The following GHITM variants were observed in gnomAD, a reference collection of about 807,000 sequenced individuals.
GHITM encodes the protein growth hormone inducible transmembrane protein, also known as growth hormone-inducible transmembrane protein.
GHITM carries 24 observed loss-of-function variants against 38.7 expected under a neutral mutation model. The ratio of observed to expected loss-of-function variants is 0.62; its 90% CI spans 0.45 to 0.87. GHITM has a LOEUF of 0.87. Ranked by LOEUF, GHITM falls within the 40% of genes least tolerant of loss-of-function variation. GHITM has a pLI of 0.00. For synonymous variants in GHITM, 154 were observed against 147.8 expected (o/e 1.04, Z -0.30); for missense variants, 420 against 429.8 (o/e 0.98, Z 0.20).
rs147214750 is a variant in GHITM at position 84,150,839 on chromosome 10, A to G, written c.912A>G (p.Val304=). The change falls in exon 8 of 9, where the codon GTA becomes GTG. Residue 304 remains valine (V), a synonymous_variant. Transcript: ENST00000372134. ...AGAAAGTAATCAAGCGTGCAGAAGTATCACCAATGTATGGAGTTCAAAAAT... is the reference window on the plus strand; with the variant it reads ...AGAAAGTAATCAAGCGTGCAGAAGTGTCACCAATGTATGGAGTTCAAAAAT... The part of the protein sequence containing the change: ...DTQKVIKRAE[V]SPMYGVQKYD... 1.2e-6 allele frequency: 2 copies of G among 1,611,678 alleles called. No individual in the cohort carries two copies. Among genetic ancestry groups the G allele is most frequent in the South Asian group, 1.1e-5 (1 of 91,038 alleles).
At chr10:84,141,368 C>T (rs1000443131) in intron 1 of GHITM, 94 bp from the exon 2 acceptor site, 2 of 680,036 alleles carry the variant, frequency 2.9e-6, no homozygotes, top group Admixed American at 5.6e-5. Context: ...TAGTTTGTTC[C>T]TTGACTCTGA....
intron 3 of GHITM, among the ~76,000 whole-genome samples, chr10:84,143,150 A>T (rs1841523808): frequency 6.6e-6 from 1 of 152,226 alleles, no homozygotes; most frequent in South Asian, 2.1e-4. Context: ...GAATCCTTTA[A>T]CTCACTGCTC....
intron 3 of GHITM, 113 bp from the exon 4 acceptor site, chr10:84,143,882 C>G (rs1841531687): frequency 3.8e-6 from 3 of 786,218 alleles, no homozygotes; most frequent in Non-Finnish European, 6.7e-6. Flanking sequence ...CCCATATGCA[C>G]TGATTATGGC....
chr10:84,150,353 A>G, intron 7 of GHITM, 110 bp downstream of exon 7: 2 of 869,110 alleles, frequency 2.3e-6, no homozygotes, highest in Non-Finnish European at 3.4e-6. Context: ...TTTTTTAAAG[A>G]TTTATGCTAA....
intron 5 of GHITM, among the ~76,000 whole-genome samples, chr10:84,146,715 A>G (rs1245577328): frequency 1.3e-5 from 2 of 152,222 alleles, no homozygotes; most frequent in Non-Finnish European, 2.9e-5. Flanking sequence ...AGGCCCTAAA[A>G]TGAGGCTTCA....
chr10:84,141,964 C>T (rs1045424475), intron 2 of GHITM, among the ~76,000 whole-genome samples: 2 of 152,118 alleles, frequency 1.3e-5, no homozygotes, highest in Non-Finnish European at 2.9e-5. Flanking sequence ...AGGGATATTA[C>T]CAGTTGGCCA....
intron 1 of GHITM, among the ~76,000 whole-genome samples, chr10:84,140,869 G>A (rs1456598108): frequency 3.3e-5 from 5 of 152,162 alleles, no homozygotes; most frequent in Non-Finnish European, 7.4e-5. Flanking sequence ...ACGCATTATA[G>A]TAGGACATAT....
At chr10:84,141,069 T>G (rs1444399689) in intron 1 of GHITM, among the ~76,000 whole-genome samples, 4 of 152,250 alleles carry the variant, frequency 2.6e-5, no homozygotes, top group Admixed American at 1.3e-4. Flanking sequence ...ATGTAGATTC[T>G]TTTAAATTTT....
rs374633446 is a variant in GHITM at position 84,150,734 on chromosome 10, C to G, written c.807C>G (p.Thr269=). 11 of 1,608,288 alleles carry G rather than the reference C, an allele frequency of 6.8e-6. No homozygotes were observed. In the African/African-American group the frequency reaches 1.3e-4, roughly 20 times the overall value. Residue 269 remains threonine (T), a synonymous_variant, in exon 8 of 9, where the codon ACC becomes ACG. Transcript: ENST00000372134. The stretch of plus-strand genomic sequence containing the variant: ...GATCTATGTTTCTTCCACCTACCAC[C>G]GTGGCTGGTGCCACTCTTTACTCAG... ...SLGSMFLPPT[T]VAGATLYSVA...
At chr10:84,148,394 G>C (rs1841578471) in intron 5 of GHITM, among the ~76,000 whole-genome samples, 1 of 152,154 alleles carries the variant, frequency 6.6e-6, no homozygotes, top group African/African-American at 2.4e-5. Context: ...CCGGGTTCAA[G>C]TGATTTTCCC....
Position 84,153,332 on chromosome 10 carries a change from G to C in GHITM, c.*984G>C, listed in dbSNP as rs1014059318. On this transcript the variant is annotated 3_prime_UTR_variant, in exon 9 of 9. Coordinates refer to ENST00000372134, the MANE Select transcript of GHITM (RefSeq NM_014394.3). ...AGCAGTTTTTCTCCTAAGACTTTTG[G>C]TTTCTCGCATTGCCTCTCAGACTAA... 1.3e-5 allele frequency: 2 copies of C among 152,120 alleles called. No homozygotes were observed. Among genetic ancestry groups the C allele is most frequent in the Non-Finnish European group, 2.9e-5 (2 of 68,010 alleles). 9.4% of individuals were successfully genotyped at this position (152,120 alleles called of 1,614,324 possible).
intron 8 of GHITM, 33 bp downstream of exon 8, chr10:84,150,913 C>T (rs1333549842): frequency 1.4e-6 from 2 of 1,434,246 alleles, no homozygotes; most frequent in Non-Finnish European, 2.0e-6. Context: ...CACTGTTACT[C>T]TGTCACATAA....
chr10:84,150,190 A>G lies in GHITM; in HGVS notation c.728A>G (p.Asn243Ser). 1 of 1,613,574 alleles carries G rather than the reference A, an allele frequency of 6.2e-7. No homozygotes were observed. The highest frequency in any genetic ancestry group is 1.3e-5 in the African/African-American group (1 of 75,022). The change falls in exon 7 of 9, where the codon AAC (asparagine) becomes AGC (serine). Residue 243 changes from asparagine (N) to serine (S), a missense_variant. Asn to Ser is a conservative substitution (Grantham distance 46, BLOSUM62 1). Coordinates refer to ENST00000372134, the MANE Select transcript of GHITM (RefSeq NM_014394.3). ...TGTGCGCCCAGTGAAAAGTTTCTGA[A>G]CATGGGTGCACCCCTGGGAGTGGGC... ...AMCAPSEKFL[N>S]MGAPLGVGLG...
intron 2 of GHITM, 122 bp from the exon 3 acceptor site, chr10:84,142,533 T>G (rs570525959): frequency 4.0e-6 from 2 of 500,276 alleles, no homozygotes; most frequent in Non-Finnish European, 7.2e-6. Flanking sequence ...TGAAGTTAGG[T>G]ATATAGAAAG....
intron 8 of GHITM, among the ~76,000 whole-genome samples, chr10:84,151,396 C>G (rs1841610876): frequency 6.6e-6 from 1 of 152,122 alleles, no homozygotes; most frequent in South Asian, 2.1e-4. Context: ...TAGTGTAATA[C>G]TTAGGTATTC....
At chr10:84,143,192 A>G (rs763087290) in intron 3 of GHITM, among the ~76,000 whole-genome samples, 2 of 152,216 alleles carry the variant, frequency 1.3e-5, no homozygotes, top group Non-Finnish European at 2.9e-5. Flanking sequence ...GTACTTTAAT[A>G]TATTGCCAGT....
chr10:84,150,747 A>C lies in GHITM; in HGVS notation c.820A>C (p.Thr274Pro). ...TCCACCTACCACCGTGGCTGGTGCC[A>C]CTCTTTACTCAGTGGCAATGTACGG... The part of the protein sequence containing the change: ...FLPPTTVAGA[T>P]LYSVAMYGGL... Residue 274 changes from threonine (T) to proline (P), a missense_variant, in exon 8 of 9, where the codon ACT becomes CCT. Transcript: ENST00000372134. 1 of 1,612,408 alleles carries C rather than the reference A, an allele frequency of 6.2e-7. No homozygotes were observed. Among genetic ancestry groups the C allele is most frequent in the Non-Finnish European group, 8.5e-7 (1 of 1,178,802 alleles).
rs1841630773 is a variant in GHITM, at chr10:84,153,555, G to A, written c.*1207G>A. Among the ~76,000 whole-genome samples, 1 of 152,180 alleles carries A rather than the reference G, an allele frequency of 6.6e-6. No individual in the cohort carries two copies. The highest frequency in any genetic ancestry group is 2.4e-5 in the African/African-American group (1 of 41,440). ...TATATTTAGAAGTCTTTAATGAAGGGAAAGAAGTCTGTATGATGACTGAGG... is the reference window on the plus strand; with the variant it reads ...TATATTTAGAAGTCTTTAATGAAGGAAAAGAAGTCTGTATGATGACTGAGG... On this transcript the variant is annotated 3_prime_UTR_variant, in exon 9 of 9. Transcript: ENST00000372134.
In GHITM at chr10:84,142,577, A is replaced by G; in HGVS notation, c.130-78A>G. On this transcript the variant is annotated intron_variant, in intron 2 of 8. Transcript: ENST00000372134. Reference sequence around the variant, plus strand: ...TTCTTTAACTAGAGTTTTCTAGTGTAAAGGGATCTTGCATTTTATTTTATT... The same window carrying G: ...TTCTTTAACTAGAGTTTTCTAGTGTGAAGGGATCTTGCATTTTATTTTATT... 2.1e-5 allele frequency: 18 copies of G among 852,330 alleles called. 1 individual carries two copies. The highest frequency in any genetic ancestry group is 3.3e-5 in the Non-Finnish European group (18 of 537,616). The allele number at this position is 852,330 out of a possible 1,614,324, so 52.8% of individuals were successfully genotyped here. A position where few individuals can be genotyped will look rare whatever the true frequency, so the allele number is the denominator to read the frequency against.
Sources: gnomAD v4.1 joint callset for allele counts (sites outside exome capture counted in the v4.1 genomes callset) on GRCh38, gnomAD v4.1.1 for gene constraint, MANE v1.5 for transcripts, NCBI Gene and HGNC (gene_info 2026-07-23, HGNC 2026-07-21) for gene names.